HDAC9: variants seen among roughly 807,000 people sequenced by gnomAD.
The protein encoded by HDAC9 is histone deacetylase 9.
A neutral mutation model predicts 139.4 loss-of-function variants in HDAC9; 41 were observed. The ratio of observed to expected loss-of-function variants is 0.29; its 90% CI spans 0.23 to 0.38. The LOEUF (loss-of-function observed/expected upper bound fraction) is 0.38. Ranked by LOEUF, HDAC9 falls within the 10% of genes least tolerant of loss-of-function variation. HDAC9 has a pLI of 1.00. For missense variants in HDAC9, 1,147 were observed against 1,297.0 expected (o/e 0.88, Z 1.78); for synonymous variants, 517 against 476.2 (o/e 1.09, Z -1.12).
chr7:18,967,496 G>GCCC lies in HDAC9; in HGVS notation c.3023-8302_3023-8300dup, dbSNP rs144020619. On this transcript the variant is annotated intron_variant, in intron 24 of 25. Coordinates refer to ENST00000686413, the MANE Select transcript of HDAC9 (RefSeq NM_178425.4). The stretch of plus-strand genomic sequence containing the variant: ...AAGCAAAATTTTTGTAAATAAAGTT[G>GCCC]CCCCCCCCCCAAAAAAAAAAAAGCA... 2.4e-3 allele frequency among the ~76,000 whole-genome samples: 254 copies of GCCC among 104,732 alleles called. 2 individuals carry two copies. Among genetic ancestry groups the GCCC allele is most frequent in the African/African-American group, 9.6e-3 (239 of 24,942 alleles). The allele number at this position is 104,732 out of a possible 152,430, so 68.7% of individuals were successfully genotyped here. A position where few individuals can be genotyped will look rare whatever the true frequency, so the allele number is the denominator to read the frequency against.
rs118171145 is a variant in HDAC9, at chr7:18,767,470, G to A, written c.2214+315G>A. Among the ~76,000 whole-genome samples, 510 of 152,290 alleles carry A rather than the reference G, an allele frequency of 3.3e-3. 2 individuals carry two copies. Among genetic ancestry groups the A allele is most frequent in the Non-Finnish European group, 5.6e-3 (380 of 68,024 alleles). ...GCTTTGCTAGGCCTTTATATAGCTGGAGAAAAGGTGCTTCAAGAGAGTTTA... is the reference window on the plus strand; with the variant it reads ...GCTTTGCTAGGCCTTTATATAGCTGAAGAAAAGGTGCTTCAAGAGAGTTTA... On this transcript the variant is annotated intron_variant, in intron 16 of 25. Transcript: ENST00000686413.
chr7:18,687,804 A>G lies in HDAC9; in HGVS notation c.1731+21328A>G, dbSNP rs1782382231. Among the ~76,000 whole-genome samples the G allele has an allele frequency of 2.0e-5, 3 of 151,804 alleles. No individual in the cohort carries two copies. In the South Asian group the frequency reaches 6.2e-4, roughly 31 times the overall value. On this transcript the variant is annotated intron_variant, in intron 12 of 25. Coordinates refer to ENST00000686413, the MANE Select transcript of HDAC9 (RefSeq NM_178425.4). Reference sequence around the variant, plus strand: ...ACTAGTTAGATGGACATATTTTATTATGTTTTTTCACAAGGGAAACATTTT... The same window carrying G: ...ACTAGTTAGATGGACATATTTTATTGTGTTTTTTCACAAGGGAAACATTTT...
At chr7:18,990,410 G>T (rs962900127) in intron 25 of HDAC9, among the ~76,000 whole-genome samples, 1 of 152,222 alleles carries the variant, frequency 6.6e-6, no homozygotes, top group East Asian at 1.9e-4. Context: ...CCCGTTTTCA[G>T]ATCTCCAGCT....
At chr7:18,130,057 A>G (rs893777631) in intron 1 of HDAC9, among the ~76,000 whole-genome samples, 3 of 152,164 alleles carry the variant, frequency 2.0e-5, no homozygotes, top group African/African-American at 7.2e-5. Flanking sequence ...CAGACATGTT[A>G]CATGGTACAT....
intron 2 of HDAC9, among the ~76,000 whole-genome samples, chr7:18,248,316 G>C (rs1794690402): frequency 1.3e-5 from 2 of 152,038 alleles, no homozygotes; most frequent in Admixed American, 6.5e-5. Context: ...CAATTAATTG[G>C]GAAGCAGGCA....
chr7:18,208,334 T>C (rs1416765822), intron 2 of HDAC9, among the ~76,000 whole-genome samples: 1 of 151,662 alleles, frequency 6.6e-6, no homozygotes, highest in Non-Finnish European at 1.5e-5. Flanking sequence ...ATTTATGGGA[T>C]GGACCTAGTC....
intron 12 of HDAC9, among the ~76,000 whole-genome samples, chr7:18,672,580 C>T (rs1795732928): frequency 6.6e-6 from 1 of 151,904 alleles, no homozygotes. Context: ...ATCTATTTTT[C>T]CTTTTGCTGC....
intron 1 of HDAC9, among the ~76,000 whole-genome samples, chr7:18,450,816 CAG>C (rs1041618559): frequency 1.8e-4 from 27 of 152,014 alleles, no homozygotes; most frequent in African/African-American, 6.3e-4. Flanking sequence ...GCTTCTTAAT[CAG>C]AAGGAAAGGA....
At chr7:18,643,995 TA>T (rs67373116) in intron 8 of HDAC9, among the ~76,000 whole-genome samples, 10,270 of 151,836 alleles carry the variant, frequency 0.068, 1,111 homozygotes, top group African/African-American at 0.23. Flanking sequence ...AGTAATGGAT[TA>T]AAAAAAAGGT....
intron 17 of HDAC9, among the ~76,000 whole-genome samples, chr7:18,821,183 A>G (rs1585098241): frequency 6.6e-6 from 1 of 152,238 alleles, no homozygotes; most frequent in Non-Finnish European, 1.5e-5. Context: ...TATCCGATTT[A>G]TGATAGGAAA....
At chr7:18,312,337 A>G (rs1478285208) in intron 1 of HDAC9, among the ~76,000 whole-genome samples, 1 of 152,094 alleles carries the variant, frequency 6.6e-6, no homozygotes, top group Non-Finnish European at 1.5e-5. Flanking sequence ...AGCCTTCCAG[A>G]ATGCTATGCT....
chr7:18,608,322 T>G (rs1241414514), intron 6 of HDAC9, among the ~76,000 whole-genome samples: 5 of 152,090 alleles, frequency 3.3e-5, no homozygotes, highest in Non-Finnish European at 5.9e-5. Context: ...AAGAACCATG[T>G]TATTATTAAA....
intron 13 of HDAC9, among the ~76,000 whole-genome samples, chr7:18,731,772 T>G (rs1786071017): frequency 6.6e-6 from 1 of 152,066 alleles, no homozygotes; most frequent in African/African-American, 2.4e-5. Flanking sequence ...ATTACAGTCA[T>G]GCACCACCAC....
At chr7:18,152,567 G>A (rs866304731) in intron 1 of HDAC9, among the ~76,000 whole-genome samples, 1 of 152,184 alleles carries the variant, frequency 6.6e-6, no homozygotes, top group South Asian at 2.1e-4. Context: ...GAAGGTCTCA[G>A]ATAAGTCCTG....
chr7:18,934,288 A>G (rs975712327), intron 22 of HDAC9, among the ~76,000 whole-genome samples: 1 of 152,052 alleles, frequency 6.6e-6, no homozygotes, highest in Non-Finnish European at 1.5e-5. Context: ...TCAGATAATA[A>G]AAACAGAGGG....
intron 2 of HDAC9, among the ~76,000 whole-genome samples, chr7:18,184,163 C>T (rs1228896983): frequency 6.6e-6 from 1 of 152,162 alleles, no homozygotes. Flanking sequence ...CTTTGGGAGG[C>T]TGAGGCAGGC....
At chr7:18,142,095 C>G (rs1261314566) in intron 1 of HDAC9, among the ~76,000 whole-genome samples, 3 of 152,174 alleles carry the variant, frequency 2.0e-5, no homozygotes, top group Admixed American at 6.5e-5. Context: ...AATTCCAGCA[C>G]TTCACCACTC....
chr7:18,095,209 A>G (rs1310620173), intron 1 of HDAC9, among the ~76,000 whole-genome samples: 2 of 151,974 alleles, frequency 1.3e-5, no homozygotes, highest in Non-Finnish European at 2.9e-5. Context: ...CTCTTCTGTG[A>G]TGCTTCCCCT....
At chr7:18,556,442 T>C (rs1251595317) in intron 2 of HDAC9, among the ~76,000 whole-genome samples, 1 of 152,116 alleles carries the variant, frequency 6.6e-6, no homozygotes, top group Non-Finnish European at 1.5e-5. Flanking sequence ...AATTGACTTT[T>C]CTCTCACCTT....
Sources: allele counts gnomAD v4.1 joint callset (sites outside exome capture counted in the v4.1 genomes callset), GRCh38; gene constraint gnomAD v4.1.1; transcripts MANE v1.5; gene names NCBI Gene and HGNC (gene_info 2026-07-23, HGNC 2026-07-21).